Variants in AGMO observed in about 807,000 individuals in gnomAD.
AGMO encodes alkylglycerol monooxygenase, also known as glyceryl-ether monooxygenase.
AGMO carries 75 observed loss-of-function variants against 60.2 expected under a neutral mutation model. That is an observed-to-expected ratio of 1.25 (90% CI 1.03 to 1.51). AGMO has a LOEUF of 1.51. AGMO is among the 40% of genes most tolerant of loss of function. The pLI is 0.00. For synonymous variants in AGMO, 261 were observed against 177.1 expected (o/e 1.47, Z -3.76); for missense variants, 763 against 525.5 (o/e 1.45, Z -4.42).
At chr7:15,358,533 G>A in intron 12 of AGMO, 1 of 419,346 alleles carries the variant, frequency 2.4e-6, no homozygotes, top group Admixed American at 2.9e-5. Flanking sequence ...TCCCTCCAGG[G>A]ATTCCCTTCT....
intron 12 of AGMO, among the ~76,000 whole-genome samples, chr7:15,277,823 G>A (rs1783844624): frequency 6.6e-6 from 1 of 152,164 alleles, no homozygotes; most frequent in African/African-American, 2.4e-5. Context: ...CCTGTTCAGT[G>A]CAGGCCCAGG....
chr7:15,198,249 G>GAC (rs1781182996), downstream of AGMO, among the ~76,000 whole-genome samples: 2 of 78,498 alleles, frequency 2.5e-5, no homozygotes, highest in South Asian at 4.5e-4. Context: ...GAGAGAGAGA[G>GAC]AGAGAGACAG....
At chr7:15,396,751 T>C (rs1182464526) in intron 5 of AGMO, among the ~76,000 whole-genome samples, 3 of 150,732 alleles carry the variant, frequency 2.0e-5, no homozygotes, top group Admixed American at 6.6e-5. Context: ...ATTGGTCCAT[T>C]TTACGGAGAG....
intron 12 of AGMO, among the ~76,000 whole-genome samples, chr7:15,246,917 C>T (rs910077094): frequency 3.3e-5 from 5 of 152,102 alleles, no homozygotes; most frequent in African/African-American, 1.2e-4. Context: ...ATCATTCCTT[C>T]CCGCTCAGCC....
the AGMO span, among the ~76,000 whole-genome samples, chr7:15,149,489 A>T: frequency 6.6e-6 from 1 of 152,108 alleles, no homozygotes; most frequent in African/African-American, 2.4e-5. Flanking sequence ...AGTTGATTTT[A>T]TTATATGGTG....
Position 15,238,796 on chromosome 7 carries a change from T to C in AGMO, c.1264-37437A>G, listed in dbSNP as rs1782502307. Among the ~76,000 whole-genome samples, 3 of 152,066 alleles carry C rather than the reference T, an allele frequency of 2.0e-5. 1 individual carries two copies. Among genetic ancestry groups the C allele is most frequent in the South Asian group, 4.1e-4 (2 of 4,834 alleles). The stretch of plus-strand genomic sequence containing the variant: ...CAATAAATAAAATGCATCCCTTTTA[T>C]GCAATAAAATGTCATAGAAAGTCAT... On this transcript the variant is annotated intron_variant, in intron 12 of 12. Transcript: ENST00000342526.
intron 12 of AGMO, among the ~76,000 whole-genome samples, chr7:15,319,400 C>T (rs1280143060): frequency 6.6e-6 from 1 of 152,002 alleles, no homozygotes; most frequent in Non-Finnish European, 1.5e-5. Context: ...AAGAGAGGCC[C>T]TCATAAAACA....
chr7:15,403,322 T>C (rs545618039), intron 5 of AGMO, among the ~76,000 whole-genome samples: 1 of 152,100 alleles, frequency 6.6e-6, no homozygotes, highest in South Asian at 2.1e-4. Flanking sequence ...GATTATTCTT[T>C]CTTGCTCATA....
At chr7:15,496,148 T>C (rs1256540326) in intron 3 of AGMO, among the ~76,000 whole-genome samples, 1 of 152,136 alleles carries the variant, frequency 6.6e-6, no homozygotes, top group Non-Finnish European at 1.5e-5. Context: ...ACCCCTCTCA[T>C]GGAGATGAGT....
chr7:15,385,841 T>C (rs573723908), intron 9 of AGMO, among the ~76,000 whole-genome samples: 1 of 152,316 alleles, frequency 6.6e-6, no homozygotes, highest in East Asian at 1.9e-4. Context: ...TCTTCCCTAT[T>C]TGATATGTCC....
chr7:15,234,831 C>G (rs1280168275), intron 12 of AGMO, among the ~76,000 whole-genome samples: 4 of 152,064 alleles, frequency 2.6e-5, no homozygotes, highest in African/African-American at 4.8e-5. Context: ...GACTTTTATT[C>G]TACAATTTTA....
chr7:15,178,755 T>C, the AGMO span, among the ~76,000 whole-genome samples: 1 of 152,184 alleles, frequency 6.6e-6, no homozygotes, highest in African/African-American at 2.4e-5. Context: ...GGTATTGTTT[T>C]AGTCCATTTT....
chr7:15,388,501 G>C (rs912642943), intron 8 of AGMO, among the ~76,000 whole-genome samples: 1 of 152,144 alleles, frequency 6.6e-6, no homozygotes, highest in African/African-American at 2.4e-5. Flanking sequence ...TTGTAATTTT[G>C]GAAACTGAGT....
At chr7:15,457,311 C>A (rs1216777197) in intron 3 of AGMO, among the ~76,000 whole-genome samples, 3 of 152,090 alleles carry the variant, frequency 2.0e-5, no homozygotes, top group Non-Finnish European at 4.4e-5. Context: ...ACATTCATTA[C>A]AATAACAATG....
intron 12 of AGMO, among the ~76,000 whole-genome samples, chr7:15,292,791 CTT>C (rs950288544): frequency 1.7e-4 from 19 of 113,180 alleles, no homozygotes; most frequent in African/African-American, 6.4e-4. Context: ...TAGTCTCACT[CTT>C]GTCTCCCAAG....
chr7:15,278,859 C>T (rs901152325), intron 12 of AGMO, among the ~76,000 whole-genome samples: 1 of 152,104 alleles, frequency 6.6e-6, no homozygotes, highest in Non-Finnish European at 1.5e-5. Flanking sequence ...ATAGTACTCA[C>T]ATGGGGACAG....
chr7:15,246,968 G>A (rs562143272), intron 12 of AGMO, among the ~76,000 whole-genome samples: 13 of 152,172 alleles, frequency 8.5e-5, no homozygotes, highest in Non-Finnish European at 7.4e-5. Flanking sequence ...ACCATGCCTG[G>A]CTAATTTGTG....
At chr7:15,368,465 A>G (rs1783072003) in intron 10 of AGMO, among the ~76,000 whole-genome samples, 1 of 152,104 alleles carries the variant, frequency 6.6e-6, no homozygotes, top group African/African-American at 2.4e-5. Flanking sequence ...AATGCTCTTT[A>G]AGAACACAGA....
chr7:15,358,596 A>G (rs1436550357), intron 12 of AGMO, among the ~76,000 whole-genome samples: 1 of 152,086 alleles, frequency 6.6e-6, no homozygotes, highest in Non-Finnish European at 1.5e-5. Context: ...CCCAAGATAA[A>G]AAGACCTTAA....
Sources: allele counts gnomAD v4.1 joint callset (sites outside exome capture counted in the v4.1 genomes callset), GRCh38; gene constraint gnomAD v4.1.1; transcripts MANE v1.5; gene names NCBI Gene and HGNC (gene_info 2026-07-23, HGNC 2026-07-21).